NEGR1: variants seen among roughly 807,000 people sequenced by gnomAD.
NEGR1 encodes IgLON family member 4.
In NEGR1, 10 loss-of-function variants were observed where a neutral mutation model predicts 40.9. The ratio of observed to expected loss-of-function variants is 0.24; its 90% CI spans 0.15 to 0.42. The LOEUF is 0.42. Among genes scored for constraint, NEGR1 ranks in the 10% least tolerant of loss-of-function variants. NEGR1 has a pLI of 1.00. For synonymous variants in NEGR1, 185 were observed against 166.8 expected (o/e 1.11, Z -0.84); for missense variants, 352 against 438.9 (o/e 0.80, Z 1.77).
intron 1 of NEGR1, among the ~76,000 whole-genome samples, chr1:72,085,239 T>C (rs749887133): frequency 7.9e-5 from 12 of 152,212 alleles, no homozygotes; most frequent in Admixed American, 1.3e-4. Flanking sequence ...TGCAGATATA[T>C]AGATAAATAC....
intron 6 of NEGR1, among the ~76,000 whole-genome samples, chr1:71,465,489 T>G (rs902996365): frequency 6.6e-6 from 1 of 152,124 alleles, no homozygotes; most frequent in Admixed American, 6.6e-5. Context: ...TTTAACAATG[T>G]GCACACATGT....
intron 4 of NEGR1, among the ~76,000 whole-genome samples, chr1:71,695,561 A>C (rs1653448686): frequency 6.6e-6 from 1 of 151,796 alleles, no homozygotes; most frequent in African/African-American, 2.4e-5. Context: ...AGTGATTAAC[A>C]AAGTCTTATT....
intron 3 of NEGR1, among the ~76,000 whole-genome samples, chr1:71,743,374 T>G (rs1655277458): frequency 6.6e-6 from 1 of 152,046 alleles, no homozygotes; most frequent in Admixed American, 6.5e-5. Flanking sequence ...AGGAAGATTT[T>G]TATTTGGATA....
rs1570434297 is a variant in NEGR1, at chr1:71,854,308, GC to G, written c.410-78012del. Reference sequence around the variant, plus strand: ...CTAACTATGTGCTCTTATACTTCGGGCCCAAATTATATTAATTTCTATATAT... The same window carrying G: ...CTAACTATGTGCTCTTATACTTCGGGCCAAATTATATTAATTTCTATATAT... On this transcript the variant is annotated intron_variant, in intron 2 of 6. Coordinates refer to ENST00000357731, the MANE Select transcript of NEGR1 (RefSeq NM_173808.3). Among the ~76,000 whole-genome samples the G allele has an allele frequency of 5.3e-5, 8 of 151,908 alleles. No individual in the cohort carries two copies. In the East Asian group the frequency reaches 1.6e-3, roughly 30 times the overall value.
chr1:72,109,324 C>T (rs540682641), intron 1 of NEGR1, among the ~76,000 whole-genome samples: 1 of 151,590 alleles, frequency 6.6e-6, no homozygotes, highest in Non-Finnish European at 1.5e-5. Context: ...AAGATTGAGG[C>T]TAATGGTTCA....
chr1:71,585,711 T>A (rs932375762), intron 6 of NEGR1, among the ~76,000 whole-genome samples: 1 of 149,682 alleles, frequency 6.7e-6, no homozygotes, highest in Non-Finnish European at 1.5e-5. Context: ...TTTTTTTTTT[T>A]ACTCATTACA....
intron 5 of NEGR1, among the ~76,000 whole-genome samples, chr1:71,606,185 G>A (rs1322885482): frequency 6.6e-6 from 1 of 152,164 alleles, no homozygotes; most frequent in Admixed American, 6.5e-5. Context: ...AGGTTATAAA[G>A]GACATGTCAG....
chr1:72,235,994 T>C (rs1178689120), intron 1 of NEGR1, among the ~76,000 whole-genome samples: 1 of 152,102 alleles, frequency 6.6e-6, no homozygotes, highest in East Asian at 1.9e-4. Flanking sequence ...GTATGTTTAT[T>C]GCAGCACTGT....
intron 6 of NEGR1, among the ~76,000 whole-genome samples, chr1:71,530,886 G>C (rs1465390439): frequency 6.6e-6 from 1 of 150,990 alleles, no homozygotes; most frequent in Non-Finnish European, 1.5e-5. Context: ...GTCATGAGGA[G>C]GTGTGTGTGT....
chr1:71,729,877 T>C (rs1358028733), intron 3 of NEGR1, among the ~76,000 whole-genome samples: 1 of 151,570 alleles, frequency 6.6e-6, no homozygotes, highest in Non-Finnish European at 1.5e-5. Context: ...ATGGGGTTTT[T>C]CCATGTTTCC....
intron 1 of NEGR1, among the ~76,000 whole-genome samples, chr1:72,032,956 G>T (rs993068431): frequency 6.6e-6 from 1 of 151,960 alleles, no homozygotes; most frequent in Non-Finnish European, 1.5e-5. Context: ...GCCTAGCACA[G>T]AATAATTGCC....
intron 2 of NEGR1, among the ~76,000 whole-genome samples, chr1:71,827,553 T>A (rs1461010869): frequency 6.6e-6 from 1 of 151,966 alleles, no homozygotes; most frequent in East Asian, 1.9e-4. Context: ...GACCAGTATT[T>A]GCTGAATCCC....
chr1:71,420,256 T>C (rs1259547984), intron 6 of NEGR1, among the ~76,000 whole-genome samples: 1 of 152,114 alleles, frequency 6.6e-6, no homozygotes, highest in Non-Finnish European at 1.5e-5. Context: ...AGCAGTACTT[T>C]CAATTATACT....
At chr1:71,900,232 A>G (rs891839898) in intron 2 of NEGR1, among the ~76,000 whole-genome samples, 2 of 152,188 alleles carry the variant, frequency 1.3e-5, no homozygotes, top group African/African-American at 4.8e-5. Context: ...GGCCAATTCA[A>G]CCATAGTAAA....
At chr1:71,896,210 G>A (rs1295272439) in intron 2 of NEGR1, among the ~76,000 whole-genome samples, 2 of 151,808 alleles carry the variant, frequency 1.3e-5, no homozygotes, top group Admixed American at 6.6e-5. Flanking sequence ...GCTAATTTTT[G>A]TGTTTTTAGT....
rs545038964 is a variant in NEGR1, at chr1:71,611,107, G to C, written c.707C>G (p.Thr236Ser). 1.9e-5 allele frequency: 31 copies of C among 1,613,728 alleles called. No individual in the cohort carries two copies. The East Asian group carries it at 6.9e-4, about 36-fold the overall frequency. The change falls in exon 5 of 7, where the codon ACC becomes AGC. Residue 236 changes from threonine to serine, a missense_variant. Physicochemically the swap from Thr to Ser is moderately conservative, Grantham distance 58. Around this residue, in one of 5 missense-constraint regions of NEGR1, gnomAD observed 184 missense variants for 208.7 expected, o/e 0.88. Coordinates refer to ENST00000357731, the MANE Select transcript of NEGR1 (RefSeq NM_173808.3). The part of the protein sequence containing the change: ...TIQEIKSGTV[T>S]PGRSGLIRCE... ...TCTTATCAGGCCACTGCGTCCGGGG[G>C]TCACGGTGCCAGATTTAATTTCCTG...
At chr1:71,430,919 C>A (rs1355976960) in intron 6 of NEGR1, among the ~76,000 whole-genome samples, 1 of 151,842 alleles carries the variant, frequency 6.6e-6, no homozygotes, top group Non-Finnish European at 1.5e-5. Flanking sequence ...ACCACCGGGC[C>A]CGACTAATTT....
intron 2 of NEGR1, among the ~76,000 whole-genome samples, chr1:71,785,669 T>C (rs1656885457): frequency 6.6e-6 from 1 of 152,188 alleles, no homozygotes; most frequent in Non-Finnish European, 1.5e-5. Flanking sequence ...TGCCTCATCC[T>C]TGGCAGTGAA....
At chr1:71,898,966 T>TATATATATAATATATTGCAA (rs1661060230) in intron 2 of NEGR1, among the ~76,000 whole-genome samples, 1 of 52,974 alleles carries the variant, frequency 1.9e-5, no homozygotes. Context: ...ATATATAGCA[T>TATATATATAATATATTGCAA]ATATATATAT....
Sources: gnomAD v4.1 joint callset for allele counts (sites outside exome capture counted in the v4.1 genomes callset) on GRCh38, gnomAD v4.1.1 for gene constraint, gnomAD v4.1.1 regional missense constraint, MANE v1.5 for transcripts, NCBI Gene and HGNC (gene_info 2026-07-23, HGNC 2026-07-21) for gene names.